The following NIN variants were observed in gnomAD, a reference collection of about 807,000 sequenced individuals.
The protein encoded by NIN is glycogen synthase kinase 3 beta-interacting protein.
In NIN, 137 loss-of-function variants were observed where a neutral mutation model predicts 257.6. That is an observed-to-expected ratio of 0.53 (90% CI 0.46 to 0.61). The LOEUF (loss-of-function observed/expected upper bound fraction) is 0.61. Ranked by LOEUF, NIN falls within the 20% of genes least tolerant of loss-of-function variation. The probability of loss-of-function intolerance (pLI) is 0.00; values close to 1 mark genes in which losing one functional copy is unlikely to be tolerated. For synonymous variants in NIN, 918 were observed against 919.8 expected (o/e 1.00, Z 0.04); for missense variants, 2,439 against 2,501.2 (o/e 0.98, Z 0.53).
chr14:50,792,338 A>G (rs1240191900), intron 5 of NIN: 2 of 183,940 alleles, frequency 1.1e-5, no homozygotes, highest in Non-Finnish European at 2.3e-5. Flanking sequence ...GCTGTTTTAT[A>G]GTTTGGGGCA....
At chr14:50,801,229 T>G (rs2044089750) in intron 4 of NIN, among the ~76,000 whole-genome samples, 1 of 151,762 alleles carries the variant, frequency 6.6e-6, no homozygotes, top group African/African-American at 2.4e-5. Flanking sequence ...TAGCTGGGAT[T>G]ACAGGCGCCT....
Position 50,757,210 on chromosome 14 carries a change from C to A in NIN, c.3820G>T (p.Asp1274Tyr). Reference sequence around the variant, plus strand: ...TCTTTGTTATTTTCTAGTGCCTCATCGTAGCGTGTCTCCATCATTCTCAGC... The same window carrying A: ...TCTTTGTTATTTTCTAGTGCCTCATAGTAGCGTGTCTCCATCATTCTCAGC... ...EELRMMETRYDEALENNKELT... is the reference protein window; with the variant it reads ...EELRMMETRYYEALENNKELT... Residue 1274 changes from aspartate (D) to tyrosine (Y), a missense_variant, in exon 18 of 31, where the codon GAT becomes TAT. Transcript: ENST00000530997. 6.2e-7 allele frequency: 1 copy of A among 1,614,062 alleles called. No homozygotes were observed. Among genetic ancestry groups the A allele is most frequent in the Non-Finnish European group, 8.5e-7 (1 of 1,180,004 alleles).
chr14:50,809,257 C>T (rs1391357369), intron 3 of NIN, among the ~76,000 whole-genome samples: 3 of 152,046 alleles, frequency 2.0e-5, no homozygotes, highest in Non-Finnish European at 4.4e-5. Flanking sequence ...GTCATATTTT[C>T]AAGCAAAGCT....
At position 50,758,463 on chromosome 14, in the gene NIN, G is replaced by T. The variant is rs1280923687; in HGVS notation, c.2567C>A (p.Ser856Tyr). 1 of 1,614,178 alleles carries T rather than the reference G, an allele frequency of 6.2e-7. No individual in the cohort carries two copies. The highest frequency in any genetic ancestry group is 1.1e-5 in the South Asian group (1 of 91,080). ...CTCGTCCTTCTCAAATTCCCACTGGGATTTCTCCTCACGCTGCTGTTCCTG... is the reference window on the plus strand; with the variant it reads ...CTCGTCCTTCTCAAATTCCCACTGGTATTTCTCCTCACGCTGCTGTTCCTG... ...DLQEQQREEK[S>Y]QWEFEKDELT... The change falls in exon 18 of 31, where the codon TCC (serine) becomes TAC (tyrosine). Residue 856 changes from serine to tyrosine, a missense_variant. Ser to Tyr is a moderately radical substitution (Grantham distance 144). This residue lies in a region of NIN where 2,043 missense variants were observed against 2,050.2 expected (regional missense o/e 1.00). Transcript: ENST00000530997.
intron 28 of NIN, among the ~76,000 whole-genome samples, chr14:50,733,389 C>G (rs1187986405): frequency 1.3e-5 from 2 of 152,148 alleles, no homozygotes; most frequent in Non-Finnish European, 2.9e-5. Context: ...CTGTGCCTGG[C>G]CAATAATTCA....
chr14:50,775,257 G>A (rs1236949438), intron 7 of NIN, among the ~76,000 whole-genome samples: 1 of 152,056 alleles, frequency 6.6e-6, no homozygotes, highest in Non-Finnish European at 1.5e-5. Context: ...GGCATGACAA[G>A]TAAAATAGGC....
At chr14:50,759,149 G>T (rs917284190) in intron 17 of NIN, among the ~76,000 whole-genome samples, 3 of 152,214 alleles carry the variant, frequency 2.0e-5, no homozygotes, top group African/African-American at 7.2e-5. Context: ...TTCACATGAG[G>T]AATGTAAGCA....
intron 7 of NIN, among the ~76,000 whole-genome samples, chr14:50,774,987 C>G (rs927669394): frequency 5.3e-5 from 8 of 152,168 alleles, no homozygotes; most frequent in African/African-American, 1.7e-4. Context: ...AGCTGGTTTG[C>G]TGAAGTGTAA....
intron 28 of NIN, among the ~76,000 whole-genome samples, chr14:50,730,620 G>T (rs1006074909): frequency 2.6e-4 from 39 of 151,424 alleles, no homozygotes; most frequent in African/African-American, 9.2e-4. Context: ...TGGGGGTGGG[G>T]GCATTGCCCA....
intron 22 of NIN, among the ~76,000 whole-genome samples, chr14:50,744,755 A>G (rs1566795265): frequency 6.6e-6 from 1 of 152,172 alleles, no homozygotes. Context: ...TCTGGTGAAC[A>G]TGGTGAAACC....
At chr14:50,771,183 T>C (rs2042718074) in intron 10 of NIN, 149 bp downstream of exon 10, 3 of 1,161,540 alleles carry the variant, frequency 2.6e-6, no homozygotes, top group Non-Finnish European at 3.6e-6. Flanking sequence ...TTAATTTTCC[T>C]ATACTTTAAG....
chr14:50,720,226 T>C lies in NIN; in HGVS notation c.*3237A>G, dbSNP rs1766206478. On this transcript the variant is annotated 3_prime_UTR_variant, in exon 31 of 31. Coordinates refer to ENST00000530997, the MANE Select transcript of NIN (RefSeq NM_020921.4). ...GTTTTTGGCATTACTTGTATAATTA[T>C]ATCATTCCAATGAGTCACTACAGGT... The C allele has an allele frequency of 4.5e-6, 1 of 222,672 alleles. No individual in the cohort carries two copies. The highest frequency in any genetic ancestry group is 6.6e-5 in the East Asian group (1 of 15,236). The allele number at this position is 222,672 out of a possible 1,614,324, so 13.8% of individuals were successfully genotyped here.
At chr14:50,732,139 G>T (rs1161864518) in intron 28 of NIN, among the ~76,000 whole-genome samples, 2 of 152,122 alleles carry the variant, frequency 1.3e-5, no homozygotes, top group Non-Finnish European at 2.9e-5. Context: ...TAATTACAGT[G>T]GGGGGATGTG....
chr14:50,771,506 C>T (rs772138248), intron 9 of NIN, 38 bp from the exon 10 acceptor site: 14 of 1,608,434 alleles, frequency 8.7e-6, no homozygotes, highest in Non-Finnish European at 1.1e-5. Context: ...AAAAACAAAT[C>T]ACTCATTCCA....
intron 26 of NIN, among the ~76,000 whole-genome samples, 184 bp downstream of exon 26, chr14:50,739,119 ATATTT>A (rs1266797987): frequency 3.9e-5 from 6 of 152,260 alleles, no homozygotes; most frequent in African/African-American, 1.2e-4. Context: ...GCTTATAAAA[ATATTT>A]TATAAACATC....
intron 7 of NIN, among the ~76,000 whole-genome samples, chr14:50,775,049 T>C (rs2042869583): frequency 6.6e-6 from 1 of 152,176 alleles, no homozygotes; most frequent in African/African-American, 2.4e-5. Flanking sequence ...GAAGATGATG[T>C]CAACGAATGA....
intron 20 of NIN, among the ~76,000 whole-genome samples, chr14:50,753,207 C>A (rs764491532): frequency 3.9e-5 from 6 of 152,090 alleles, no homozygotes; most frequent in Admixed American, 6.5e-5. Context: ...CGAGACCAGC[C>A]TGAACAATAT....
At chr14:50,821,832 C>T (rs369621452) in intron 3 of NIN, 42 bp downstream of exon 3, 138 of 1,550,452 alleles carry the variant, frequency 8.9e-5, no homozygotes, top group Non-Finnish European at 1.2e-4. Context: ...CGGCAGAAAC[C>T]GCACCCCACT....
intron 3 of NIN, among the ~76,000 whole-genome samples, chr14:50,810,541 AAAG>A (rs1279214544): frequency 6.6e-6 from 1 of 152,228 alleles, no homozygotes; most frequent in Non-Finnish European, 1.5e-5. Context: ...TATAAAATAA[AAAG>A]AAGCAATTAT....
Sources: allele counts gnomAD v4.1 joint callset (sites outside exome capture counted in the v4.1 genomes callset), GRCh38; gene constraint gnomAD v4.1.1; regional missense constraint gnomAD v4.1.1; transcripts MANE v1.5; gene names NCBI Gene and HGNC (gene_info 2026-07-23, HGNC 2026-07-21).